ENTPD1: variants seen among roughly 807,000 people sequenced by gnomAD.
The protein encoded by ENTPD1 is ATP diphosphohydrolase.
In ENTPD1, 33 loss-of-function variants were observed where a neutral mutation model predicts 57.0. The ratio of observed to expected loss-of-function variants is 0.58; its 90% confidence interval spans 0.44 to 0.77. The LOEUF is 0.77. Among genes scored for constraint, ENTPD1 ranks in the 30% least tolerant of loss-of-function variants. The pLI is 0.00. For synonymous variants in ENTPD1, 202 were observed against 218.8 expected (o/e 0.92, Z 0.68); for missense variants, 501 against 603.4 (o/e 0.83, Z 1.78).
intron 1 of ENTPD1, among the ~76,000 whole-genome samples, chr10:95,819,743 T>C (rs1320725616): frequency 6.6e-6 from 1 of 152,032 alleles, no homozygotes; most frequent in African/African-American, 2.4e-5. Flanking sequence ...TCACATCACA[T>C]GAAAAGAAAA....
intron 2 of ENTPD1, among the ~76,000 whole-genome samples, chr10:95,824,148 C>G (rs1212005701): frequency 6.6e-6 from 1 of 152,030 alleles, no homozygotes; most frequent in Non-Finnish European, 1.5e-5. Flanking sequence ...AAAATTTATA[C>G]TATAAATACA....
intron 1 of ENTPD1, among the ~76,000 whole-genome samples, chr10:95,760,504 G>A (rs2098053021): frequency 6.6e-6 from 1 of 152,172 alleles, no homozygotes; most frequent in South Asian, 2.1e-4. Flanking sequence ...AATCAAATAA[G>A]CCTTTACAAA....
At chr10:95,770,560 T>A (rs1363775834) in intron 1 of ENTPD1, among the ~76,000 whole-genome samples, 1 of 152,164 alleles carries the variant, frequency 6.6e-6, no homozygotes, top group African/African-American at 2.4e-5. Flanking sequence ...ACATTTTCTG[T>A]GAAAGAAAAG....
At chr10:95,807,247 C>G (rs2098276859) in intron 1 of ENTPD1, among the ~76,000 whole-genome samples, 1 of 152,226 alleles carries the variant, frequency 6.6e-6, no homozygotes, top group African/African-American at 2.4e-5. Flanking sequence ...AGGCTTCCAC[C>G]TTGCGGTTCA....
chr10:95,694,205 C>T, the ENTPD1 span: 1 of 393,188 alleles, frequency 2.5e-6, no homozygotes, highest in Non-Finnish European at 4.6e-6. Context: ...GTTCGGCGGA[C>T]CGAGAGGTTC....
chr10:95,724,129 T>C (rs1212856909), intron 1 of ENTPD1, among the ~76,000 whole-genome samples: 3 of 116,936 alleles, frequency 2.6e-5, no homozygotes, highest in African/African-American at 1.0e-4. Flanking sequence ...ACCACTGCAC[T>C]CCAGCCTGGG....
chr10:95,802,901 C>T (rs928974749), intron 1 of ENTPD1, among the ~76,000 whole-genome samples: 6 of 152,012 alleles, frequency 3.9e-5, no homozygotes, highest in African/African-American at 7.3e-5. Context: ...TGAATAGTGC[C>T]GCAATAAACA....
At chr10:95,848,432 G>T (rs2098439364) in intron 7 of ENTPD1, among the ~76,000 whole-genome samples, 1 of 152,096 alleles carries the variant, frequency 6.6e-6, no homozygotes, top group South Asian at 2.1e-4. Flanking sequence ...CATGGATGTG[G>T]AAGTTTGATT....
intron 1 of ENTPD1, among the ~76,000 whole-genome samples, chr10:95,726,778 G>GT (rs1349888728): frequency 6.6e-6 from 1 of 152,056 alleles, no homozygotes; most frequent in African/African-American, 2.4e-5. Flanking sequence ...CTCTGAGAGG[G>GT]TTCACTCAGT....
Position 95,860,489 on chromosome 10 carries a change from T to C in ENTPD1, c.1095T>C (p.Phe365=). ...TGTAGGCATTTTCAGCTTTTTACTTTGTGATGAAGTTTTTAAACTTGACAT... is the reference window on the plus strand; with the variant it reads ...TGTAGGCATTTTCAGCTTTTTACTTCGTGATGAAGTTTTTAAACTTGACAT... ...GDFGAFSAFY[F]VMKFLNLTSE... Residue 365 remains phenylalanine (F), a synonymous_variant, in exon 8 of 10, where the codon TTT becomes TTC. Transcript: ENST00000371205. 3.7e-6 allele frequency: 6 copies of C among 1,613,708 alleles called. No individual in the cohort carries two copies. Among genetic ancestry groups the C allele is most frequent in the Non-Finnish European group, 5.1e-6 (6 of 1,179,724 alleles).
At chr10:95,801,296 T>C (rs988153699) in intron 1 of ENTPD1, among the ~76,000 whole-genome samples, 2 of 152,178 alleles carry the variant, frequency 1.3e-5, no homozygotes, top group African/African-American at 4.8e-5. Flanking sequence ...GGAATGGTAT[T>C]GTCTAGGTTG....
Position 95,877,124 on chromosome 10 carries a change from T to C in ENTPD1, c.*10741T>C, listed in dbSNP as rs995796895. 6.6e-5 allele frequency among the ~76,000 whole-genome samples: 10 copies of C among 152,338 alleles called. No individual in the cohort carries two copies. In the East Asian group the frequency reaches 1.2e-3, roughly 18 times the overall value. Reference sequence around the variant, plus strand: ...AAATTTGGGAGTAGTAGAAAATCAATTGGTTATCTTATAGAGTCTCCTAGA... The same window carrying C: ...AAATTTGGGAGTAGTAGAAAATCAACTGGTTATCTTATAGAGTCTCCTAGA... On this transcript the variant is annotated 3_prime_UTR_variant, in exon 10 of 10. Transcript: ENST00000371205.
At chr10:95,862,956 C>T (rs2098467744) in intron 8 of ENTPD1, among the ~76,000 whole-genome samples, 2 of 152,130 alleles carry the variant, frequency 1.3e-5, no homozygotes, top group South Asian at 4.1e-4. Context: ...TCATGTTCCA[C>T]TGCCCTGGGA....
intron 1 of ENTPD1, among the ~76,000 whole-genome samples, chr10:95,794,290 T>C (rs12770849): frequency 0.11 from 16,139 of 152,186 alleles, 1,036 homozygotes; most frequent in Middle Eastern, 0.22. Context: ...TTTGTAATCA[T>C]AACCCTATCA....
chr10:95,717,089 AT>A (rs1319807801), intron 1 of ENTPD1, among the ~76,000 whole-genome samples: 1 of 152,216 alleles, frequency 6.6e-6, no homozygotes, highest in East Asian at 1.9e-4. Flanking sequence ...ACTTAGGCAA[AT>A]ATGTTGATGT....
At chr10:95,772,101 T>TA (rs1049102586) in intron 1 of ENTPD1, among the ~76,000 whole-genome samples, 2 of 152,198 alleles carry the variant, frequency 1.3e-5, no homozygotes, top group African/African-American at 2.4e-5. Context: ...ACTTTATTGC[T>TA]AAAAAAATGC....
intron 1 of ENTPD1, among the ~76,000 whole-genome samples, chr10:95,771,576 G>A (rs1292030119): frequency 6.6e-6 from 1 of 152,096 alleles, no homozygotes; most frequent in Admixed American, 6.6e-5. Flanking sequence ...TAGCATTTCA[G>A]CCTCCTTTTA....
intron 8 of ENTPD1, among the ~76,000 whole-genome samples, chr10:95,862,045 C>T (rs1477274776): frequency 6.6e-6 from 1 of 151,716 alleles, no homozygotes; most frequent in Non-Finnish European, 1.5e-5. Context: ...CTCTTATCCA[C>T]ATCTCATGTT....
intron 1 of ENTPD1, chr10:95,712,086 A>G (rs989705371): frequency 6.4e-7 from 1 of 1,569,478 alleles, no homozygotes; most frequent in Non-Finnish European, 8.7e-7. Context: ...TCTCATTTTC[A>G]TCTCCAAAAC....
Sources: gnomAD v4.1 joint callset for allele counts (sites outside exome capture counted in the v4.1 genomes callset) on GRCh38, gnomAD v4.1.1 for gene constraint, MANE v1.5 for transcripts, NCBI Gene and HGNC (gene_info 2026-07-23, HGNC 2026-07-21) for gene names.